The following CALHM4 variants were observed in gnomAD, a reference collection of about 807,000 sequenced individuals.
The protein encoded by CALHM4 is calcium homeostasis modulator protein 4.
CALHM4 carries 16 observed loss-of-function variants against 13.3 expected under a neutral mutation model. The ratio of observed to expected loss-of-function variants is 1.20; its 90% CI spans 0.81 to 1.82. The LOEUF is 1.82. Among genes scored for constraint, CALHM4 ranks in the 40% most tolerant of loss-of-function variants. The pLI is 0.00. For synonymous variants in CALHM4, 127 were observed against 137.1 expected (o/e 0.93, Z 0.52); for missense variants, 344 against 374.9 (o/e 0.92, Z 0.68).
chr6:116,536,365 T>C (rs1481777416), intron 1 of CALHM4, among the ~76,000 whole-genome samples: 1 of 152,150 alleles, frequency 6.6e-6, no homozygotes, highest in Non-Finnish European at 1.5e-5. Context: ...AAAGACATTG[T>C]CAGAGGCCTA....
At chr6:116,547,437 C>T (rs1362245602) in intron 2 of CALHM4, among the ~76,000 whole-genome samples, 1 of 152,164 alleles carries the variant, frequency 6.6e-6, no homozygotes, top group Non-Finnish European at 1.5e-5. Flanking sequence ...ACATGGCTCC[C>T]CTCTGCTCCA....
At chr6:116,547,117 A>C (rs1346293120) in intron 2 of CALHM4, among the ~76,000 whole-genome samples, 2 of 152,182 alleles carry the variant, frequency 1.3e-5, no homozygotes, top group Non-Finnish European at 2.9e-5. Flanking sequence ...GATGATTCCA[A>C]GTCAAATTTA....
chr6:116,555,416 C>T (rs555036057), intron 1 of CALHM4, among the ~76,000 whole-genome samples: 38 of 152,236 alleles, frequency 2.5e-4, no homozygotes, highest in Middle Eastern at 6.8e-3. Flanking sequence ...TGTTATTAAA[C>T]GCATACACAG....
At chr6:116,550,214 T>C (rs1774013133), upstream of CALHM4, among the ~76,000 whole-genome samples, 1 of 152,054 alleles carries the variant, frequency 6.6e-6, no homozygotes, top group Admixed American at 6.6e-5. Flanking sequence ...CATTGATATA[T>C]ATTTCAGTAC....
chr6:116,555,437 A>C (rs538889932), intron 1 of CALHM4, among the ~76,000 whole-genome samples: 1 of 152,356 alleles, frequency 6.6e-6, no homozygotes, highest in Admixed American at 6.5e-5. Context: ...ATTTCTGTGA[A>C]AAGACAGTTT....
chr6:116,547,254 G>C (rs1773837095), intron 2 of CALHM4, among the ~76,000 whole-genome samples: 1 of 152,180 alleles, frequency 6.6e-6, no homozygotes, highest in Non-Finnish European at 1.5e-5. Flanking sequence ...TTCTGAGTAA[G>C]ATACCCCAGA....
exon 1 of CALHM4, chr6:116,529,149 C>G (rs548545970): frequency 6.7e-4 from 102 of 152,342 alleles, no homozygotes; most frequent in African/African-American, 2.4e-3. Context: ...AATAACTGAG[C>G]CTTTCACTTG....
chr6:116,546,878 G>A (rs1458456447), intron 2 of CALHM4, among the ~76,000 whole-genome samples: 1 of 152,112 alleles, frequency 6.6e-6, no homozygotes, highest in African/African-American at 2.4e-5. Context: ...GTGGGGTATG[G>A]GGTGGAGAGT....
chr6:116,557,155 C>A (rs1251603395), intron 1 of CALHM4, among the ~76,000 whole-genome samples: 3 of 152,066 alleles, frequency 2.0e-5, no homozygotes, highest in South Asian at 2.1e-4. Context: ...CCAGGCTATT[C>A]TCAAACTCCT....
upstream of CALHM4, chr6:116,553,660 C>T (rs1466661324): frequency 1.3e-5 from 10 of 795,754 alleles, no homozygotes; most frequent in African/African-American, 7.0e-5. Context: ...ATGCTAGAAT[C>T]CTTTAAACAT....
rs780331593 is a variant in CALHM4 at position 116,557,947 on chromosome 6, T to C, written c.681T>C (p.Asn227=). 6.2e-7 allele frequency: 1 copy of C among 1,614,144 alleles called. No individual in the cohort carries two copies. The highest frequency in any genetic ancestry group is 8.5e-7 in the Non-Finnish European group (1 of 1,180,016). Residue 227 remains asparagine (N), a synonymous_variant, in exon 2 of 2, where the codon AAT becomes AAC. Coordinates refer to ENST00000368596, the MANE Select transcript of CALHM4 (RefSeq NM_001366078.2). ...GCTACTGGACCAGCCACCTCCAGAA[T>C]GAGAGAGAACTCTTTGAACAAGCAG... ...QHCYWTSHLQ[N]ERELFEQAAE...
upstream of CALHM4, among the ~76,000 whole-genome samples, chr6:116,548,936 T>C (rs542007686): frequency 3.0e-4 from 45 of 152,332 alleles, no homozygotes; most frequent in African/African-American, 1.1e-3. Context: ...TTCACACAAT[T>C]GTAAGGTGGG....
At chr6:116,530,902 CATATATATATATATATATATATATAT>C (rs10557481) in intron 1 of CALHM4, among the ~76,000 whole-genome samples, 13 of 76,484 alleles carry the variant, frequency 1.7e-4, no homozygotes, top group East Asian at 5.6e-4. Flanking sequence ...AAGTGAGACT[CATATATATATATATATATATATATAT>C]ATATATATAT....
intron 1 of CALHM4, among the ~76,000 whole-genome samples, chr6:116,537,284 A>C (rs774407016): frequency 6.6e-6 from 1 of 152,188 alleles, no homozygotes; most frequent in Non-Finnish European, 1.5e-5. Flanking sequence ...ATAAGACATG[A>C]AAATCTTAGA....
At position 116,554,197 on chromosome 6, in the gene CALHM4, AATT is replaced by A; in HGVS notation, c.405_407del (p.Glu135_Phe136delinsAsp). The A allele has an allele frequency of 6.4e-7, 1 of 1,550,602 alleles. No homozygotes were observed. Among genetic ancestry groups the A allele is most frequent in the Non-Finnish European group, 8.7e-7 (1 of 1,146,982 alleles). On this transcript the variant is annotated inframe_deletion, in exon 1 of 2. Coordinates refer to ENST00000368596, the MANE Select transcript of CALHM4 (RefSeq NM_001366078.2). Reference sequence around the variant, plus strand: ...ACGTATTATGAATGTGCAGCAAGTGAATTTGCATCTGTGGACCATTACCCAATG... The same window carrying A: ...ACGTATTATGAATGTGCAGCAAGTGATGCATCTGTGGACCATTACCCAATG...
Position 116,560,592 on chromosome 6 carries a change from A to G in CALHM4, c.*2381A>G, listed in dbSNP as rs1204940522. Among the ~76,000 whole-genome samples, 1 of 138,342 alleles carries G rather than the reference A, an allele frequency of 7.2e-6. No homozygotes were observed. The highest frequency in any genetic ancestry group is 2.3e-4 in the South Asian group (1 of 4,312). The allele number at this position is 138,342 out of a possible 152,430, so 90.8% of individuals were successfully genotyped here. A position where few individuals can be genotyped will look rare whatever the true frequency, so the allele number is the denominator to read the frequency against. Reference sequence around the variant, plus strand: ...TTAAAAGGTAGTACACACCCCTGGGATTTCATCTTACAGTACATTATCTAT... The same window carrying G: ...TTAAAAGGTAGTACACACCCCTGGGGTTTCATCTTACAGTACATTATCTAT... On this transcript the variant is annotated 3_prime_UTR_variant, in exon 2 of 2. Coordinates refer to ENST00000368596, the MANE Select transcript of CALHM4 (RefSeq NM_001366078.2).
chr6:116,530,902 CATATATATAT>C (rs10557481), intron 1 of CALHM4, among the ~76,000 whole-genome samples: 11,958 of 76,478 alleles, frequency 0.16, 737 homozygotes, highest in Admixed American at 0.23. Context: ...AAGTGAGACT[CATATATATAT>C]ATATATATAT....
rs148117405 is a variant in CALHM4, at chr6:116,545,836, T to C, written c.-1+1964T>C. On this transcript the variant is annotated intron_variant, in intron 2 of 2. Transcript: ENST00000368597. ...TGAAGCACTGCAACTCAAAAAATTC[T>C]TTAGCCCGAGGGAGTTCAAGAGTGG... Among the ~76,000 whole-genome samples the C allele has an allele frequency of 4.6e-5, 7 of 152,328 alleles. No homozygotes were observed. The East Asian group carries it at 1.3e-3, about 29-fold the overall frequency.
Position 116,558,012 on chromosome 6 carries a change from A to G in CALHM4, c.746A>G (p.Lys249Arg). ...CGGCTCCTCATGATGCATCGCATAA[A>G]GAAGCTATTTGGCTTCATTCCCGGG... The part of the protein sequence containing the change: ...HSRLLMMHRI[K>R]KLFGFIPGSE... The change falls in exon 2 of 2, where the codon AAG becomes AGG. Residue 249 changes from lysine to arginine, a missense_variant. Lys to Arg is a conservative substitution (Grantham distance 26). Coordinates refer to ENST00000368596, the MANE Select transcript of CALHM4 (RefSeq NM_001366078.2). 2 of 1,614,204 alleles carry G rather than the reference A, an allele frequency of 1.2e-6. No homozygotes were observed. The highest frequency in any genetic ancestry group is 8.5e-7 in the Non-Finnish European group (1 of 1,180,020).
Sources: allele counts gnomAD v4.1 joint callset (sites outside exome capture counted in the v4.1 genomes callset), GRCh38; gene constraint gnomAD v4.1.1; transcripts MANE v1.5; gene names NCBI Gene and HGNC (gene_info 2026-07-23, HGNC 2026-07-21).